The following HSF5 variants were observed in gnomAD, a reference collection of about 807,000 sequenced individuals.
HSF5 encodes the protein heat shock transcription factor 5.
HSF5 carries 5 observed loss-of-function variants against 50.8 expected under a neutral mutation model. That is an observed-to-expected ratio of 0.10 (90% confidence interval 0.05 to 0.21). The LOEUF is 0.21. Among genes scored for constraint, HSF5 ranks in the 10% least tolerant of loss-of-function variants. The probability of loss-of-function intolerance (pLI) is 1.00; values close to 1 mark genes in which losing one functional copy is unlikely to be tolerated. For missense variants in HSF5, 564 were observed against 762.6 expected, an observed-to-expected ratio of 0.74 and a Z score of 3.07; for synonymous variants, 307 against 307.4, an observed-to-expected ratio of 1.00 and a Z score of 0.02.
chr17:58,457,228 A>G (rs979488805), intron 5 of HSF5, among the ~76,000 whole-genome samples: 1 of 151,182 alleles, frequency 6.6e-6, no homozygotes, highest in Admixed American at 6.6e-5. Context: ...CCATTGCACT[A>G]CAGCCCGGGC....
intron 4 of HSF5, 87 bp downstream of exon 4, chr17:58,462,695 T>C: frequency 7.7e-7 from 1 of 1,306,710 alleles, no homozygotes. Flanking sequence ...CCAAATAAAA[T>C]CTGAACAAAC....
At chr17:58,473,093 G>A (rs902772914) in intron 2 of HSF5, among the ~76,000 whole-genome samples, 2 of 152,152 alleles carry the variant, frequency 1.3e-5, no homozygotes, top group Non-Finnish European at 2.9e-5. Context: ...AGACTCTTGA[G>A]TCAGATTGTC....
chr17:58,453,944 A>G (rs1974673970), intron 5 of HSF5, among the ~76,000 whole-genome samples: 1 of 151,894 alleles, frequency 6.6e-6, no homozygotes, highest in Non-Finnish European at 1.5e-5. Flanking sequence ...AAGAAAAAAA[A>G]TTAGCCAGGC....
chr17:58,439,604 C>A (rs545574985), intron 5 of HSF5, among the ~76,000 whole-genome samples: 1 of 152,222 alleles, frequency 6.6e-6, no homozygotes, highest in African/African-American at 2.4e-5. Flanking sequence ...CCTGCCTTAG[C>A]CTCCTGAGTA....
At chr17:58,437,506 T>C (rs1351224961) in intron 5 of HSF5, among the ~76,000 whole-genome samples, 1 of 152,186 alleles carries the variant, frequency 6.6e-6, no homozygotes, top group African/African-American at 2.4e-5. Flanking sequence ...TATATACATA[T>C]ACAAATTGAG....
rs1375599792 is a variant in HSF5, at chr17:58,487,969, C to G, written c.306G>C (p.Pro102=). ...AGTGATGGAGCGGCCCATTGCCTGCCGGTTTGCCGCCCCCCGGCCCGCCCA... is the reference window on the plus strand; with the variant it reads ...AGTGATGGAGCGGCCCATTGCCTGCGGGTTTGCCGCCCCCCGGCCCGCCCA... ...VVLGGPGGGK[P]AGNGPLHHFH... Residue 102 remains proline (P), a synonymous_variant, in exon 1 of 6, where the codon CCG becomes CCC. Transcript: ENST00000323777. The G allele has an allele frequency of 5.6e-6, 9 of 1,611,144 alleles. No individual in the cohort carries two copies. The highest frequency in any genetic ancestry group is 1.7e-5 in the Admixed American group (1 of 59,890).
intron 4 of HSF5, among the ~76,000 whole-genome samples, chr17:58,461,743 G>A (rs142638725): frequency 0.014 from 2,200 of 152,060 alleles, 46 homozygotes; most frequent in African/African-American, 0.05. Context: ...ATGGTGGCTC[G>A]CCTGTAATCC....
intron 5 of HSF5, among the ~76,000 whole-genome samples, chr17:58,451,679 C>T (rs1302472135): frequency 6.6e-6 from 1 of 152,060 alleles, no homozygotes; most frequent in African/African-American, 2.4e-5. Flanking sequence ...CTATGTGATA[C>T]AGCAAATGCT....
At chr17:58,422,527 G>T in intron 5 of HSF5, 97 bp from the exon 6 acceptor site, 1 of 857,888 alleles carries the variant, frequency 1.2e-6, no homozygotes, top group Non-Finnish European at 1.9e-6. Context: ...TGTCTCACCT[G>T]TAGAACTGGC....
intron 2 of HSF5, among the ~76,000 whole-genome samples, chr17:58,474,869 C>G (rs1326456580): frequency 6.6e-6 from 1 of 152,144 alleles, no homozygotes; most frequent in African/African-American, 2.4e-5. Context: ...GTGTAAGCCA[C>G]TATACCTGGC....
chr17:58,470,106 C>T (rs2143792453), intron 2 of HSF5, among the ~76,000 whole-genome samples: 1 of 152,226 alleles, frequency 6.6e-6, no homozygotes, highest in Middle Eastern at 3.4e-3. Flanking sequence ...AAGATAAGTT[C>T]CTATGGCAAC....
At position 58,421,148 on chromosome 17, in the gene HSF5, A is replaced by G. The variant is rs1567902965; in HGVS notation, c.*1212T>C. Reference sequence around the variant, plus strand: ...AGCAAGTAAGGGATTAACCACAGAAACTGGACATCCAAGACATCCTTCTCT... The same window carrying G: ...AGCAAGTAAGGGATTAACCACAGAAGCTGGACATCCAAGACATCCTTCTCT... On this transcript the variant is annotated 3_prime_UTR_variant, in exon 6 of 6. Transcript: ENST00000323777. The G allele has an allele frequency of 1.3e-5, 2 of 152,686 alleles. No individual in the cohort carries two copies. Among genetic ancestry groups the G allele is most frequent in the South Asian group, 2.1e-4 (1 of 4,828 alleles). The allele number at this position is 152,686 out of a possible 1,614,324, so 9.5% of individuals were successfully genotyped here. A position where few individuals can be genotyped will look rare whatever the true frequency, so the allele number is the denominator to read the frequency against.
intron 4 of HSF5, among the ~76,000 whole-genome samples, chr17:58,460,549 G>A (rs1263715847): frequency 7.0e-5 from 10 of 143,858 alleles, no homozygotes; most frequent in African/African-American, 2.1e-4. Flanking sequence ...TCGCTCTGTC[G>A]CCCAGGCTGG....
intron 5 of HSF5, among the ~76,000 whole-genome samples, chr17:58,423,684 T>C (rs1426611111): frequency 6.6e-6 from 1 of 152,040 alleles, no homozygotes; most frequent in Non-Finnish European, 1.5e-5. Context: ...TTTCACTATG[T>C]TGGCCAGACT....
intron 1 of HSF5, among the ~76,000 whole-genome samples, chr17:58,484,641 T>C (rs959581204): frequency 3.3e-5 from 5 of 152,162 alleles, no homozygotes; most frequent in Non-Finnish European, 5.9e-5. Context: ...TGCCATGGTA[T>C]TGTCTCCATT....
chr17:58,442,949 C>T (rs942290812), intron 5 of HSF5, among the ~76,000 whole-genome samples: 8 of 152,046 alleles, frequency 5.3e-5, no homozygotes, highest in Non-Finnish European at 1.0e-4. Flanking sequence ...GCTCTGTTGC[C>T]CAGGCTAGAG....
Position 58,479,817 on chromosome 17 carries a change from A to C in HSF5, c.925+76T>G. On this transcript the variant is annotated intron_variant, in intron 2 of 5. Coordinates refer to ENST00000323777, the MANE Select transcript of HSF5 (RefSeq NM_001080439.3). ...TTGTGTTAAAGCACATAGACATTAA[A>C]ATGCATTTAAAATATATATATATGC... is the stretch of plus-strand genomic sequence containing the variant. The C allele has an allele frequency of 7.8e-6, 10 of 1,289,956 alleles. No individual in the cohort carries two copies. The South Asian group carries it at 1.4e-4, about 18-fold the overall frequency. The allele number at this position is 1,289,956 out of a possible 1,614,324, so 79.9% of individuals were successfully genotyped here.
In HSF5 at chr17:58,425,545, A is replaced by G. The variant is rs1974283752; in HGVS notation, c.1721-3115T>C. Among the ~76,000 whole-genome samples, 10 of 135,096 alleles carry G rather than the reference A, an allele frequency of 7.4e-5. No individual in the cohort carries two copies. In the South Asian group the frequency reaches 2.5e-3, roughly 33 times the overall value. The allele number at this position is 135,096 out of a possible 152,430, so 88.6% of individuals were successfully genotyped here. A position where few individuals can be genotyped will look rare whatever the true frequency, so the allele number is the denominator to read the frequency against. ...CATCTGTGAATAGCCACTGCACTCC[A>G]GCCTGGGCAACATAGTAAGACCTCT... On this transcript the variant is annotated intron_variant, in intron 5 of 5. Coordinates refer to ENST00000323777, the MANE Select transcript of HSF5 (RefSeq NM_001080439.3).
chr17:58,482,632 C>T (rs1479267526), intron 1 of HSF5, among the ~76,000 whole-genome samples: 1 of 139,708 alleles, frequency 7.2e-6, no homozygotes, highest in African/African-American at 2.7e-5. Flanking sequence ...ATAGCTTGAA[C>T]CTGGGAGGTG....
Sources: allele counts gnomAD v4.1 joint callset (sites outside exome capture counted in the v4.1 genomes callset), GRCh38; gene constraint gnomAD v4.1.1; transcripts MANE v1.5; gene names NCBI Gene and HGNC (gene_info 2026-07-23, HGNC 2026-07-21).